SULF2: variants seen among roughly 807,000 people sequenced by gnomAD.
SULF2 encodes extracellular sulfatase Sulf-2.
A neutral mutation model predicts 107.7 loss-of-function variants in SULF2; 52 were observed. The ratio of observed to expected loss-of-function variants is 0.48; its 90% CI spans 0.39 to 0.61. The LOEUF (loss-of-function observed/expected upper bound fraction) is 0.61. SULF2 is among the 20% of genes least tolerant of loss of function. The probability of loss-of-function intolerance (pLI) is 0.00; values close to 1 mark genes in which losing one functional copy is unlikely to be tolerated. For synonymous variants in SULF2, 460 were observed against 464.3 expected, an observed-to-expected ratio of 0.99 and a Z score of 0.12; for missense variants, 993 against 1,177.3, an observed-to-expected ratio of 0.84 and a Z score of 2.29.
chr20:47,665,172 A>AG, intron 14 of SULF2, 27 bp downstream of exon 14: 1 of 1,495,046 alleles, frequency 6.7e-7, no homozygotes. Flanking sequence ...GTGGGGTCTT[A>AG]GGGAGGTCCC....
At chr20:47,697,617 C>T (rs2088425649) in intron 4 of SULF2, among the ~76,000 whole-genome samples, 1 of 152,192 alleles carries the variant, frequency 6.6e-6, no homozygotes, top group Non-Finnish European at 1.5e-5. Context: ...ACCGCCCCGC[C>T]CTCTGCCCAC....
At position 47,680,060 on chromosome 20, in the gene SULF2, G is replaced by A. The variant is rs2087773781; in HGVS notation, c.1065-1256C>T. ...CCTTAGAACACAGAGGAGCTACTCA[G>A]TAAATATTGGCTAAGTGAATTCCCA... is the stretch of plus-strand genomic sequence containing the variant. On this transcript the variant is annotated intron_variant, in intron 7 of 20. Transcript: ENST00000688720. This position sits in a 1 kb window ranked among gnomAD's most constrained non-coding sequence, Gnocchi z 4.2. Among the ~76,000 whole-genome samples, 1 of 152,208 alleles carries A rather than the reference G, an allele frequency of 6.6e-6. No individual in the cohort carries two copies. Among genetic ancestry groups the A allele is most frequent in the Non-Finnish European group, 1.5e-5 (1 of 68,040 alleles).
intron 2 of SULF2, among the ~76,000 whole-genome samples, chr20:47,740,094 G>A (rs1280195632): frequency 6.6e-6 from 1 of 152,186 alleles, no homozygotes; most frequent in East Asian, 1.9e-4. Context: ...AGTCTTCTAT[G>A]CCAGTAATAA....
chr20:47,780,015 C>CTT (rs74178766), intron 1 of SULF2, among the ~76,000 whole-genome samples: 9,610 of 120,372 alleles, frequency 0.08, 613 homozygotes, highest in East Asian at 0.14. Flanking sequence ...CCCTAGTTGA[C>CTT]TTTTTTTTTT....
At chr20:47,757,157 C>A in intron 2 of SULF2, 32 bp downstream of exon 2, 1 of 1,528,416 alleles carries the variant, frequency 6.5e-7, no homozygotes, top group Non-Finnish European at 8.8e-7. Flanking sequence ...CTCCGAGGGG[C>A]CGAGGTGCCA....
chr20:47,767,855 G>A (rs1180948527), intron 1 of SULF2, among the ~76,000 whole-genome samples: 2 of 150,820 alleles, frequency 1.3e-5, no homozygotes, highest in African/African-American at 4.9e-5. Context: ...GGAGAATTGA[G>A]CTGAGATCAC....
At chr20:47,758,837 G>A (rs1027848650) in intron 1 of SULF2, among the ~76,000 whole-genome samples, 8 of 152,218 alleles carry the variant, frequency 5.3e-5, no homozygotes, top group African/African-American at 1.9e-4. Context: ...GGGTGGCTGT[G>A]TTGCTGTGAC....
At chr20:47,744,296 C>T (rs2089956556) in intron 2 of SULF2, among the ~76,000 whole-genome samples, 1 of 152,146 alleles carries the variant, frequency 6.6e-6, no homozygotes, top group East Asian at 1.9e-4. Context: ...GATTCTCCTG[C>T]CTCAGCCTCC....
At chr20:47,679,822 A>G (rs1012647495) in intron 7 of SULF2, among the ~76,000 whole-genome samples, 33 of 152,204 alleles carry the variant, frequency 2.2e-4, no homozygotes, top group African/African-American at 7.2e-4. Flanking sequence ...TCTGCAGCAC[A>G]GATACCCAAC....
Position 47,736,779 on chromosome 20 carries a change from G to A in SULF2, c.339C>T (p.Cys113=). 1.2e-6 allele frequency: 2 copies of A among 1,614,252 alleles called. No individual in the cohort carries two copies. The highest frequency in any genetic ancestry group is 1.7e-6 in the Non-Finnish European group (2 of 1,180,038). ...NHNTYTNNEN[C]SSPSWQAQHE... ...GCTGTGCCTGCCAGGAGGGCGAGGA[G>A]CAGTTCTCATTGTTGGTGTAGGTGT... Residue 113 remains cysteine (C), a synonymous_variant, in exon 3 of 21, where the codon TGC becomes TGT. Transcript: ENST00000688720.
chr20:47,777,321 G>A (rs2090742278), intron 1 of SULF2, among the ~76,000 whole-genome samples: 1 of 152,166 alleles, frequency 6.6e-6, no homozygotes, highest in South Asian at 2.1e-4. Flanking sequence ...TAGGGTGGGA[G>A]TGTTCTGGCA....
intron 13 of SULF2, 95 bp from the exon 14 acceptor site, chr20:47,665,388 T>A: frequency 2.3e-6 from 2 of 862,650 alleles, no homozygotes; most frequent in Non-Finnish European, 2.0e-6. Context: ...GTGTCTGTGC[T>A]CAGCAGCGGC....
In SULF2 at chr20:47,710,651, TA is replaced by T. The variant is rs369566876; in HGVS notation, c.416-7982del. ...CACATAGCAAGTGCCTACTAAGGGTTATATTTTCATTATCCACCAATGGGCC... is the reference window on the plus strand; with the variant it reads ...CACATAGCAAGTGCCTACTAAGGGTTTATTTTCATTATCCACCAATGGGCC... On this transcript the variant is annotated intron_variant, in intron 3 of 20. Coordinates refer to ENST00000688720, the MANE Select transcript of SULF2 (RefSeq NM_001387048.1). Among the ~76,000 whole-genome samples, 28 of 148,900 alleles carry T rather than the reference TA, an allele frequency of 1.9e-4. 1 individual carries two copies. The highest frequency in any genetic ancestry group is 5.7e-4 in the African/African-American group (22 of 38,342).
chr20:47,727,058 T>TG (rs11478669), intron 3 of SULF2, among the ~76,000 whole-genome samples: 18,074 of 145,632 alleles, frequency 0.12, 1,406 homozygotes, highest in Middle Eastern at 0.22. Flanking sequence ...GCAGCCTTTA[T>TG]GGGGGGGGGC....
chr20:47,659,583 A>T, intron 19 of SULF2, 114 bp downstream of exon 19: 1 of 1,363,730 alleles, frequency 7.3e-7, no homozygotes, highest in Non-Finnish European at 1.0e-6. Flanking sequence ...TCTCGGGCAG[A>T]CCAGAGGGAA....
Position 47,678,644 on chromosome 20 carries a change from C to A in SULF2, c.1193+32G>T. On this transcript the variant is annotated intron_variant, in intron 8 of 20. Transcript: ENST00000688720. The surrounding 1 kb of genome is among the most constrained non-coding windows in gnomAD (Gnocchi z 4.5). ...GAGTTCCCGCAGGTCAATGTCCCGG[C>A]CCCCTCAACACCTGCCCTGCTCCGT... 1 of 1,611,234 alleles carries A rather than the reference C, an allele frequency of 6.2e-7. No individual in the cohort carries two copies.
chr20:47,719,181 T>C (rs761866175), intron 3 of SULF2, among the ~76,000 whole-genome samples: 13 of 152,212 alleles, frequency 8.5e-5, no homozygotes, highest in Non-Finnish European at 1.5e-4. Flanking sequence ...ATCAGACCTA[T>C]CCATTGTCCA....
At chr20:47,782,471 C>T (rs1300896384) in intron 1 of SULF2, among the ~76,000 whole-genome samples, 2 of 152,180 alleles carry the variant, frequency 1.3e-5, no homozygotes, top group African/African-American at 4.8e-5. Context: ...TCAGGGAGGG[C>T]CCCCTCACCT....
chr20:47,775,853 G>C (rs186921361), intron 1 of SULF2, among the ~76,000 whole-genome samples: 2 of 152,304 alleles, frequency 1.3e-5, no homozygotes, highest in Admixed American at 1.3e-4. Context: ...ATAGATATTA[G>C]ACATTATTAT....
Sources: allele counts gnomAD v4.1 joint callset (sites outside exome capture counted in the v4.1 genomes callset), GRCh38; gene constraint gnomAD v4.1.1; non-coding constraint Gnocchi (gnomAD v3.1); transcripts MANE v1.5; gene names NCBI Gene and HGNC (gene_info 2026-07-23, HGNC 2026-07-21).